The following PAX7 variants were observed in gnomAD, a reference collection of about 807,000 sequenced individuals.
PAX7 encodes the protein paired box 7.
A neutral mutation model predicts 50.7 loss-of-function variants in PAX7; 18 were observed. That is an observed-to-expected ratio of 0.36 (90% CI 0.25 to 0.53). The LOEUF (loss-of-function observed/expected upper bound fraction) is 0.53, where lower values mean the gene tolerates loss of function less well. PAX7 is among the 20% of genes least tolerant of loss of function. The pLI is 0.93. For synonymous variants in PAX7, 310 were observed against 290.4 expected (o/e 1.07, Z -0.69); for missense variants, 644 against 702.9 (o/e 0.92, Z 0.95).
intron 4 of PAX7, among the ~76,000 whole-genome samples, chr1:18,638,107 T>C (rs1470478377): frequency 1.3e-5 from 2 of 152,244 alleles, no homozygotes; most frequent in South Asian, 2.1e-4. Context: ...AACAAACAAC[T>C]CTTCTGAGGT....
chr1:18,647,076 G>C (rs1276065868), intron 4 of PAX7, among the ~76,000 whole-genome samples: 1 of 151,258 alleles, frequency 6.6e-6, no homozygotes, highest in Admixed American at 6.6e-5. Context: ...GGCGGGGGAC[G>C]GAACAAAACA....
chr1:18,673,309 A>G (rs2088779086), intron 4 of PAX7, among the ~76,000 whole-genome samples: 2 of 152,136 alleles, frequency 1.3e-5, no homozygotes. Flanking sequence ...ACCCGTTACC[A>G]CTGTTTTATC....
intron 4 of PAX7, among the ~76,000 whole-genome samples, chr1:18,665,522 C>T (rs769919118): frequency 4.6e-5 from 7 of 151,516 alleles, no homozygotes; most frequent in Admixed American, 6.6e-5. Flanking sequence ...ACTATAGGCA[C>T]GTGCCACCAC....
At chr1:18,728,571 C>T (rs1570238148) in intron 7 of PAX7, among the ~76,000 whole-genome samples, 3 of 151,972 alleles carry the variant, frequency 2.0e-5, no homozygotes, top group Admixed American at 6.6e-5. Flanking sequence ...TTTAAAAACT[C>T]CTGACCTGAC....
At chr1:18,633,780 C>G (rs967800638) in intron 1 of PAX7, among the ~76,000 whole-genome samples, 1 of 152,180 alleles carries the variant, frequency 6.6e-6, no homozygotes, top group Non-Finnish European at 1.5e-5. Flanking sequence ...TTTCTAGCCC[C>G]CAACAAACTG....
intron 4 of PAX7, among the ~76,000 whole-genome samples, chr1:18,640,072 G>C (rs2088227580): frequency 6.6e-6 from 1 of 151,984 alleles, no homozygotes; most frequent in African/African-American, 2.4e-5. Flanking sequence ...TCTGAGGTGG[G>C]GGGAGGATTG....
At chr1:18,705,777 C>A (rs188891362) in intron 7 of PAX7, among the ~76,000 whole-genome samples, 2,074 of 152,218 alleles carry the variant, frequency 0.014, 64 homozygotes, top group African/African-American at 0.047. Flanking sequence ...CTAAGTTGGA[C>A]GCCCAGCCCT....
chr1:18,710,802 G>T (rs1040355639), intron 7 of PAX7, among the ~76,000 whole-genome samples: 1 of 152,080 alleles, frequency 6.6e-6, no homozygotes, highest in Non-Finnish European at 1.5e-5. Flanking sequence ...AGCAGATTGG[G>T]GACATCCTGG....
intron 4 of PAX7, among the ~76,000 whole-genome samples, chr1:18,678,660 A>T (rs1412448878): frequency 4.5e-4 from 69 of 152,198 alleles, no homozygotes; most frequent in Admixed American, 4.5e-3. Flanking sequence ...TGGCACAGGC[A>T]GCAAGTGCCA....
In PAX7 at chr1:18,747,097, A is replaced by G. The variant is rs1302551178; in HGVS notation, c.*2168A>G. Reference sequence around the variant, plus strand: ...AAGCAACTCTTCCTGAAGACCAAACACTCGTCATCCACATTCCTTGAATGG... The same window carrying G: ...AAGCAACTCTTCCTGAAGACCAAACGCTCGTCATCCACATTCCTTGAATGG... On this transcript the variant is annotated 3_prime_UTR_variant, in exon 9 of 9. Transcript: ENST00000420770. 4.4e-6 allele frequency: 1 copy of G among 229,078 alleles called. No homozygotes were observed. The highest frequency in any genetic ancestry group is 6.2e-5 in the East Asian group (1 of 16,142). The allele number at this position is 229,078 out of a possible 1,614,324, so 14.2% of individuals were successfully genotyped here. A position where few individuals can be genotyped will look rare whatever the true frequency, so the allele number is the denominator to read the frequency against.
chr1:18,667,065 T>C (rs936573568), intron 4 of PAX7, among the ~76,000 whole-genome samples: 1 of 152,114 alleles, frequency 6.6e-6, no homozygotes, highest in Non-Finnish European at 1.5e-5. Flanking sequence ...GTTTGGACAG[T>C]TCTTCGTTTG....
chr1:18,646,910 C>T (rs1466924591), intron 4 of PAX7, among the ~76,000 whole-genome samples: 1 of 147,312 alleles, frequency 6.8e-6, no homozygotes, highest in Non-Finnish European at 1.5e-5. Context: ...GAGCGGCCCG[C>T]CCGCGCCCGG....
chr1:18,718,243 G>T (rs2089451736), intron 7 of PAX7, among the ~76,000 whole-genome samples: 1 of 152,154 alleles, frequency 6.6e-6, no homozygotes, highest in Non-Finnish European at 1.5e-5. Context: ...GGTAACTTTG[G>T]AAAGCAGGGA....
rs1167038598 is a variant in PAX7, at chr1:18,748,061, T to C, written c.*3132T>C. The C allele has an allele frequency of 4.7e-6, 1 of 210,612 alleles. No homozygotes were observed. Among genetic ancestry groups the C allele is most frequent in the African/African-American group, 2.3e-5 (1 of 44,122 alleles). The allele number at this position is 210,612 out of a possible 1,614,324, so 13.0% of individuals were successfully genotyped here. A position where few individuals can be genotyped will look rare whatever the true frequency, so the allele number is the denominator to read the frequency against. ...CCATTTTATACTTGATTTAGCTTTGTTGTTCTTTTGCCAGAGGAACATCAA... is the reference window on the plus strand; with the variant it reads ...CCATTTTATACTTGATTTAGCTTTGCTGTTCTTTTGCCAGAGGAACATCAA... On this transcript the variant is annotated 3_prime_UTR_variant, in exon 9 of 9. Coordinates refer to ENST00000420770, the MANE Select transcript of PAX7 (RefSeq NM_001135254.2).
intron 3 of PAX7, 95 bp downstream of exon 3, chr1:18,635,335 T>C (rs547164637): frequency 1.4e-5 from 20 of 1,414,178 alleles, no homozygotes; most frequent in Admixed American, 1.1e-4. Flanking sequence ...GAGGAGATGA[T>C]GGCTGACTGT....
chr1:18,727,722 G>C (rs2089592522), intron 7 of PAX7, among the ~76,000 whole-genome samples: 1 of 152,198 alleles, frequency 6.6e-6, no homozygotes, highest in African/African-American at 2.4e-5. Context: ...GTTCATGGAG[G>C]GCTTCGAGGG....
chr1:18,731,707 G>T (rs2100396934), intron 7 of PAX7, among the ~76,000 whole-genome samples: 1 of 152,190 alleles, frequency 6.6e-6, no homozygotes, highest in East Asian at 1.9e-4. Context: ...AGACCCCCAG[G>T]GGCTCTGGGA....
Position 18,747,064 on chromosome 1 carries a change from A to T in PAX7, c.*2135A>T, listed in dbSNP as rs1931472923. 1 of 229,758 alleles carries T rather than the reference A, an allele frequency of 4.4e-6. No individual in the cohort carries two copies. The highest frequency in any genetic ancestry group is 1.8e-4 in the South Asian group (1 of 5,490). 14.2% of individuals were successfully genotyped at this position (229,758 alleles called of 1,614,324 possible). ...CCCAGTCCCTGCTTTTGTAGCTATC[A>T]CAGCAGAAAGCAACTCTTCCTGAAG... On this transcript the variant is annotated 3_prime_UTR_variant, in exon 9 of 9. Coordinates refer to ENST00000420770, the MANE Select transcript of PAX7 (RefSeq NM_001135254.2).
chr1:18,645,006 TAAAC>T (rs1317109940), intron 4 of PAX7, among the ~76,000 whole-genome samples: 5 of 152,124 alleles, frequency 3.3e-5, no homozygotes, highest in Admixed American at 3.3e-4. Context: ...AGACAGAAAA[TAAAC>T]AAGCCCGCAA....
Sources: gnomAD v4.1 joint callset for allele counts (sites outside exome capture counted in the v4.1 genomes callset) on GRCh38, gnomAD v4.1.1 for gene constraint, MANE v1.5 for transcripts, NCBI Gene and HGNC (gene_info 2026-07-23, HGNC 2026-07-21) for gene names.